ANO5: variants seen among roughly 807,000 people sequenced by gnomAD.
The protein encoded by ANO5 is anoctamin 5.
A neutral mutation model predicts 121.0 loss-of-function variants in ANO5; 109 were observed. The observed-to-expected ratio is 0.90, with a 90% CI of 0.77 to 1.06. The LOEUF (loss-of-function observed/expected upper bound fraction) is 1.06. Among genes scored for constraint, ANO5 ranks in the 50% least tolerant of loss-of-function variants. The pLI is 0.00. For synonymous variants in ANO5, 406 were observed against 359.9 expected (o/e 1.13, Z -1.45); for missense variants, 1,064 against 1,078.5 (o/e 0.99, Z 0.19).
chr11:22,236,869 T>C (rs796254683), intron 8 of ANO5, among the ~76,000 whole-genome samples: 2 of 152,186 alleles, frequency 1.3e-5, no homozygotes, highest in African/African-American at 4.8e-5. Context: ...GAACGTTTTT[T>C]GGGGGCTGGC....
chr11:22,203,647 A>G (rs1852028202), intron 1 of ANO5, among the ~76,000 whole-genome samples, 157 bp from the exon 2 acceptor site: 1 of 152,038 alleles, frequency 6.6e-6, no homozygotes, highest in African/African-American at 2.4e-5. Flanking sequence ...TCTGTTTTAA[A>G]CAATTTAGCT....
Position 22,193,095 on chromosome 11 carries a change from C to T in ANO5, c.-398C>T. ...CCAGAGGGCAGGAGTGGAAAGGATC[C>T]TGGCGAGCACCGGGAGGAGTGGCGG... On this transcript the variant is annotated 5_prime_UTR_variant, in exon 1 of 22. Transcript: ENST00000324559. The T allele has an allele frequency of 9.1e-7, 1 of 1,093,804 alleles. No homozygotes were observed. Among genetic ancestry groups the T allele is most frequent in the Non-Finnish European group, 1.1e-6 (1 of 893,586 alleles). 67.8% of individuals were successfully genotyped at this position (1,093,804 alleles called of 1,614,324 possible). A position where few individuals can be genotyped will look rare whatever the true frequency, so the allele number is the denominator to read the frequency against.
At chr11:22,230,422 G>T (rs1304553540) in intron 7 of ANO5, among the ~76,000 whole-genome samples, 1 of 151,932 alleles carries the variant, frequency 6.6e-6, no homozygotes, top group Non-Finnish European at 1.5e-5. Flanking sequence ...ATTCATGTCA[G>T]TATCTTTTTT....
rs1397229098 is a variant in ANO5, at chr11:22,221,748, A to G, written c.294+538A>G. 3.3e-5 allele frequency among the ~76,000 whole-genome samples: 5 copies of G among 152,056 alleles called. No individual in the cohort carries two copies. In the East Asian group the frequency reaches 9.7e-4, roughly 29 times the overall value. On this transcript the variant is annotated intron_variant, in intron 5 of 21. Transcript: ENST00000324559. The stretch of plus-strand genomic sequence containing the variant: ...CGTTATGTACCCAAATCCTAGAACA[A>G]TGGTTGGACTATAATGGATACTCAA...
intron 9 of ANO5, among the ~76,000 whole-genome samples, chr11:22,245,542 CT>C (rs1427275583): frequency 4.6e-5 from 7 of 152,060 alleles, no homozygotes; most frequent in African/African-American, 1.7e-4. Context: ...AGAGTTCACT[CT>C]GTTTTTAGGT....
intron 3 of ANO5, among the ~76,000 whole-genome samples, chr11:22,216,841 G>A (rs10741932): frequency 0.69 from 104,779 of 151,544 alleles, 37,767 homozygotes; most frequent in Non-Finnish European, 0.81. Flanking sequence ...GTGATCCATG[G>A]AAGTCATAAT....
upstream of ANO5, chr11:22,192,966 G>A: frequency 1.0e-6 from 1 of 984,910 alleles, no homozygotes; most frequent in Non-Finnish European, 1.2e-6. Context: ...CCGGGGGGCG[G>A]GGAGATGGCG....
chr11:22,222,136 C>A lies in ANO5; in HGVS notation c.294+926C>A, dbSNP rs984446732. On this transcript the variant is annotated intron_variant, in intron 5 of 21. Coordinates refer to ENST00000324559, the MANE Select transcript of ANO5 (RefSeq NM_213599.3). ...CTAGAGATGGGGTAAATGCTGCTTG[C>A]CTTCCTTGTATCTTGTTGATTATAC... Among the ~76,000 whole-genome samples, 3 of 151,898 alleles carry A rather than the reference C, an allele frequency of 2.0e-5. 1 individual carries two copies. Among genetic ancestry groups the A allele is most frequent in the Admixed American group, 1.3e-4 (2 of 15,220 alleles).
chr11:22,272,302 G>GCACACACGCACACA (rs1854647592), intron 18 of ANO5, among the ~76,000 whole-genome samples: 1 of 134,488 alleles, frequency 7.4e-6, no homozygotes, highest in Non-Finnish European at 1.6e-5. Context: ...TCCTTTTCCG[G>GCACACACGCACACA]CACACACACA....
intron 17 of ANO5, among the ~76,000 whole-genome samples, chr11:22,266,926 A>G (rs549823855): frequency 6.6e-6 from 1 of 152,330 alleles, no homozygotes; most frequent in South Asian, 2.1e-4. Flanking sequence ...CAATTGTGTC[A>G]TTGTGGGCAA....
At position 22,246,940 on chromosome 11, in the gene ANO5, G is replaced by A. The variant is rs188330392; in HGVS notation, c.879-3297G>A. On this transcript the variant is annotated intron_variant, in intron 9 of 21. Transcript: ENST00000324559. ...TTACAATTGACACATTTCTTTTAAT[G>A]AGACTTTATTAAGCATCACTACATA... Among the ~76,000 whole-genome samples, 31 of 147,932 alleles carry A rather than the reference G, an allele frequency of 2.1e-4. No individual in the cohort carries two copies. In the East Asian group the frequency reaches 4.3e-3, roughly 21 times the overall value.
At chr11:22,208,661 A>G (rs1852191354) in intron 2 of ANO5, among the ~76,000 whole-genome samples, 1 of 151,998 alleles carries the variant, frequency 6.6e-6, no homozygotes, top group Non-Finnish European at 1.5e-5. Flanking sequence ...CTATACAGAG[A>G]CATTGTACTC....
chr11:22,248,089 T>G (rs929882198), intron 9 of ANO5, among the ~76,000 whole-genome samples: 3 of 152,118 alleles, frequency 2.0e-5, no homozygotes, highest in Non-Finnish European at 4.4e-5. Flanking sequence ...ATGTTTGCAT[T>G]GATTGATTTA....
rs934001094 is a variant in ANO5 at position 22,279,550 on chromosome 11, G to A, written c.2527G>A (p.Val843Met). The A allele has an allele frequency of 2.5e-6, 4 of 1,610,234 alleles. No individual in the cohort carries two copies. The highest frequency in any genetic ancestry group is 3.4e-6 in the Non-Finnish European group (4 of 1,177,242). ...TCCTTTATATTTCCTCTAGCATGTT[G>A]TGTTTTTAGTTAAATTTTTGCTGGC... ...MTFIIVMEHV[V>M]FLVKFLLAWM... The change falls in exon 22 of 22, where the codon GTG becomes ATG. Residue 843 changes from valine to methionine, a missense_variant. Val to Met is a conservative substitution (Grantham distance 21, BLOSUM62 1). Coordinates refer to ENST00000324559, the MANE Select transcript of ANO5 (RefSeq NM_213599.3).
In ANO5 at chr11:22,262,257, G is replaced by A; in HGVS notation, c.1759G>A (p.Gly587Arg). 6.2e-7 allele frequency: 1 copy of A among 1,613,764 alleles called. No homozygotes were observed. The highest frequency in any genetic ancestry group is 8.5e-7 in the Non-Finnish European group (1 of 1,179,884). ...TAAAGGGAAGTTCGTAGGCTATCCT[G>A]GAAAATACACATATTTATTTAATGA... Reference protein sequence around the residue: ...FFKGKFVGYPGKYTYLFNEWR... With the variant: ...FFKGKFVGYPRKYTYLFNEWR... The change falls in exon 16 of 22, where the codon GGA becomes AGA. Residue 587 changes from glycine to arginine, a missense_variant. Coordinates refer to ENST00000324559, the MANE Select transcript of ANO5 (RefSeq NM_213599.3).
chr11:22,261,608 T>C (rs1854190556), intron 15 of ANO5: 1 of 158,990 alleles, frequency 6.3e-6, no homozygotes, highest in Non-Finnish European at 1.4e-5. Flanking sequence ...GAGGTTCCAG[T>C]GTGCTGAGAT....
chr11:22,197,430 G>T (rs1488890299), intron 1 of ANO5, among the ~76,000 whole-genome samples: 3 of 151,126 alleles, frequency 2.0e-5, no homozygotes, highest in African/African-American at 4.9e-5. Context: ...ATAGCCTCAA[G>T]AAATGTTTAT....
intron 5 of ANO5, among the ~76,000 whole-genome samples, chr11:22,224,909 A>G (rs1264447293): frequency 1.3e-5 from 2 of 152,066 alleles, no homozygotes; most frequent in African/African-American, 4.8e-5. Flanking sequence ...GCACAAAAAG[A>G]CAAATGTCAT....
chr11:22,242,991 G>C (rs913899826), intron 9 of ANO5, among the ~76,000 whole-genome samples: 1 of 151,988 alleles, frequency 6.6e-6, no homozygotes, highest in African/African-American at 2.4e-5. Context: ...TTCTCAAGGG[G>C]AATGATTCCA....
Sources: allele counts gnomAD v4.1 joint callset (sites outside exome capture counted in the v4.1 genomes callset), GRCh38; gene constraint gnomAD v4.1.1; transcripts MANE v1.5; gene names NCBI Gene and HGNC (gene_info 2026-07-23, HGNC 2026-07-21).